The following TES variants were observed in gnomAD, a reference collection of about 807,000 sequenced individuals.
TES encodes testin.
A neutral mutation model predicts 48.2 loss-of-function variants in TES; 41 were observed. The ratio of observed to expected loss-of-function variants is 0.85; its 90% CI spans 0.66 to 1.10. The LOEUF (loss-of-function observed/expected upper bound fraction) is 1.10. TES is among the 50% of genes least tolerant of loss of function. The pLI, the probability that TES is intolerant of heterozygous loss-of-function variation, is 0.00. For synonymous variants in TES, 162 were observed against 174.9 expected, an observed-to-expected ratio of 0.93 and a Z score of 0.58; for missense variants, 463 against 515.1, an observed-to-expected ratio of 0.90 and a Z score of 0.98.
chr7:116,222,445 C>T (rs1260479105), intron 1 of TES, among the ~76,000 whole-genome samples: 1 of 152,136 alleles, frequency 6.6e-6, no homozygotes, highest in East Asian at 1.9e-4. Context: ...CACATCTGTA[C>T]TGCCGTCTTT....
rs1430377846 is a variant in TES at position 116,249,249 on chromosome 7, C to T, written c.343C>T (p.Pro115Ser). 1 of 1,613,994 alleles carries T rather than the reference C, an allele frequency of 6.2e-7. No individual in the cohort carries two copies. The highest frequency in any genetic ancestry group is 1.1e-5 in the South Asian group (1 of 91,068). Residue 115 changes from proline (P) to serine (S), a missense_variant, in exon 3 of 7, where the codon CCT (proline) becomes TCT (serine). Physicochemically the swap from Pro to Ser is moderately conservative, Grantham distance 74. Transcript: ENST00000358204. ...CAATACAGTTACCTATGAGTGGGCT[C>T]CTCCTGTCCAGAATCAAGCATTGGT... is the stretch of plus-strand genomic sequence containing the variant. Reference protein sequence around the residue: ...SINTVTYEWAPPVQNQALARQ... With the variant: ...SINTVTYEWASPVQNQALARQ...
intron 1 of TES, among the ~76,000 whole-genome samples, chr7:116,212,106 C>CAAAACCTT (rs1799445779): frequency 1.3e-5 from 2 of 151,962 alleles, no homozygotes; most frequent in Non-Finnish European, 2.9e-5. Flanking sequence ...GCTTAGCTTT[C>CAAAACCTT]TGTTGATGAA....
At chr7:116,239,079 G>A (rs970612263) in intron 2 of TES, 2 of 152,270 alleles carry the variant, frequency 1.3e-5, no homozygotes, top group Non-Finnish European at 2.9e-5. Flanking sequence ...ATTTTCTGTG[G>A]TTGGAGAACC....
chr7:116,245,030 A>G (rs912131385), intron 2 of TES, among the ~76,000 whole-genome samples: 2 of 152,122 alleles, frequency 1.3e-5, no homozygotes, highest in African/African-American at 2.4e-5. Flanking sequence ...GGCGTGGTCC[A>G]CGACAGCATT....
intron 4 of TES, among the ~76,000 whole-genome samples, chr7:116,250,953 C>G (rs1446159772): frequency 6.6e-6 from 1 of 151,920 alleles, no homozygotes; most frequent in Non-Finnish European, 1.5e-5. Flanking sequence ...TTTTTTAAGT[C>G]TCTTCTAAAG....
chr7:116,217,882 A>G (rs914939184), intron 1 of TES: 10 of 515,194 alleles, frequency 1.9e-5, no homozygotes, highest in African/African-American at 1.7e-4. Flanking sequence ...CTGTCTACCT[A>G]ACATTCTAGT....
intron 3 of TES, chr7:116,249,868 G>C (rs895770431): frequency 4.0e-6 from 1 of 252,058 alleles, no homozygotes; most frequent in Non-Finnish European, 7.4e-6. Context: ...AAAAGTTTAT[G>C]TTTTCTTTCA....
At chr7:116,253,239 G>A (rs1027981068) in intron 6 of TES, among the ~76,000 whole-genome samples, 1 of 152,102 alleles carries the variant, frequency 6.6e-6, no homozygotes, top group Non-Finnish European at 1.5e-5. Flanking sequence ...AATTACATAT[G>A]GTTTATATAG....
chr7:116,242,197 A>G (rs566815263), intron 2 of TES, among the ~76,000 whole-genome samples: 1 of 152,326 alleles, frequency 6.6e-6, no homozygotes, highest in Non-Finnish European at 1.5e-5. Context: ...CTATTTAGCT[A>G]TATTAAGAAC....
In TES at chr7:116,252,075, C is replaced by T. The variant is rs562240989; in HGVS notation, c.918+100C>T. ...AAGACTTGACCAAACAGCAGTTGCT[C>T]TGTTTACATCCAAAGAAGTTTTAAA... On this transcript the variant is annotated intron_variant, in intron 5 of 6. Coordinates refer to ENST00000358204, the MANE Select transcript of TES (RefSeq NM_015641.4). The T allele has an allele frequency of 9.3e-5, 114 of 1,228,474 alleles. 1 individual carries two copies. The South Asian group carries it at 1.4e-3, about 15-fold the overall frequency. 76.1% of individuals were successfully genotyped at this position (1,228,474 alleles called of 1,614,324 possible).
At chr7:116,250,640 A>C in intron 4 of TES, 144 bp downstream of exon 4, 1 of 660,918 alleles carries the variant, frequency 1.5e-6, no homozygotes, top group Non-Finnish European at 2.3e-6. Context: ...GATTCAGTTT[A>C]GACTTCCCAC....
chr7:116,238,068 A>G (rs1275122163), intron 2 of TES: 1 of 152,106 alleles, frequency 6.6e-6, no homozygotes, highest in African/African-American at 2.4e-5. Flanking sequence ...ACATACCCCC[A>G]AGTTGTTAGG....
intron 2 of TES, among the ~76,000 whole-genome samples, chr7:116,237,598 A>G (rs1799788667): frequency 6.6e-6 from 1 of 152,152 alleles, no homozygotes; most frequent in South Asian, 2.1e-4. Flanking sequence ...TAGGAAACAA[A>G]AAGTCTCAGC....
intron 2 of TES, among the ~76,000 whole-genome samples, chr7:116,236,308 A>G (rs952290745): frequency 4.6e-5 from 7 of 152,200 alleles, no homozygotes; most frequent in African/African-American, 1.7e-4. Context: ...TTGAGTGTCA[A>G]CACGATGCCA....
At chr7:116,246,722 C>G (rs1799927633) in intron 2 of TES, among the ~76,000 whole-genome samples, 1 of 152,196 alleles carries the variant, frequency 6.6e-6, no homozygotes, top group Admixed American at 6.5e-5. Flanking sequence ...CCCACATACA[C>G]AGTTTACACC....
chr7:116,225,878 C>A (rs1043783039), intron 1 of TES, among the ~76,000 whole-genome samples: 1 of 152,168 alleles, frequency 6.6e-6, no homozygotes, highest in African/African-American at 2.4e-5. Flanking sequence ...TATGACCTAT[C>A]TTGAGGCACT....
At chr7:116,240,300 A>C (rs1266965635) in intron 2 of TES, among the ~76,000 whole-genome samples, 2 of 152,160 alleles carry the variant, frequency 1.3e-5, no homozygotes, top group East Asian at 3.8e-4. Context: ...AAAAATAGTA[A>C]GTTTTACAAA....
chr7:116,255,622 G>A (rs1466407314), intron 6 of TES, among the ~76,000 whole-genome samples: 2 of 152,182 alleles, frequency 1.3e-5, no homozygotes, highest in Non-Finnish European at 2.9e-5. Flanking sequence ...AACTGAAAAT[G>A]TGTGTTTTGG....
intron 1 of TES, chr7:116,222,914 T>C: frequency 7.4e-6 from 7 of 945,134 alleles, no homozygotes; most frequent in Non-Finnish European, 8.8e-6. Context: ...GCTGCAGTCA[T>C]TGCTTATTAT....
Sources: allele counts gnomAD v4.1 joint callset (sites outside exome capture counted in the v4.1 genomes callset), GRCh38; gene constraint gnomAD v4.1.1; transcripts MANE v1.5; gene names NCBI Gene and HGNC (gene_info 2026-07-23, HGNC 2026-07-21).